The following NAP1L4 variants were observed in gnomAD, a reference collection of about 807,000 sequenced individuals.
The protein encoded by NAP1L4 is nucleosome assembly protein 1 like 4, also known as nucleosome assembly protein 1-like 4.
Under a neutral mutation model 58.2 loss-of-function variants are expected in NAP1L4, and 15 were observed. The ratio of observed to expected loss-of-function variants is 0.26; its 90% confidence interval spans 0.17 to 0.40. The LOEUF (loss-of-function observed/expected upper bound fraction) is 0.40, where lower values mean the gene tolerates loss of function less well. Ranked by LOEUF, NAP1L4 falls within the 10% of genes least tolerant of loss-of-function variation. NAP1L4 has a pLI of 1.00. For missense variants in NAP1L4, 384 were observed against 451.1 expected (o/e 0.85, Z 1.35); for synonymous variants, 171 against 155.6 (o/e 1.10, Z -0.74).
chr11:2,981,290 G>A (rs1848289010), intron 1 of NAP1L4, among the ~76,000 whole-genome samples: 1 of 151,108 alleles, frequency 6.6e-6, no homozygotes, highest in African/African-American at 2.4e-5. Flanking sequence ...GATACCTCTG[G>A]TCGCAGCTAC....
intron 8 of NAP1L4, among the ~76,000 whole-genome samples, chr11:2,964,098 G>A (rs888165336): frequency 6.6e-6 from 1 of 151,982 alleles, no homozygotes; most frequent in African/African-American, 2.4e-5. Context: ...TCAAAGAGCA[G>A]GAAAACATTT....
intron 7 of NAP1L4, among the ~76,000 whole-genome samples, chr11:2,969,377 C>CACAT (rs1291322450): frequency 2.0e-5 from 3 of 152,100 alleles, no homozygotes; most frequent in African/African-American, 7.2e-5. Context: ...CACACACACA[C>CACAT]ACAAACAAAC....
chr11:2,974,004 G>A (rs1196956932), intron 4 of NAP1L4, among the ~76,000 whole-genome samples: 1 of 152,230 alleles, frequency 6.6e-6, no homozygotes, highest in Admixed American at 6.5e-5. Context: ...CTGAGCTCAA[G>A]CAATCTGCCT....
intron 1 of NAP1L4, among the ~76,000 whole-genome samples, chr11:2,985,435 G>A (rs1402524087): frequency 2.0e-5 from 3 of 152,170 alleles, no homozygotes; most frequent in Admixed American, 6.5e-5. Flanking sequence ...TTTAATACTA[G>A]TCTTATAAAA....
intron 12 of NAP1L4, chr11:2,952,416 T>C (rs1372747521): frequency 1.3e-5 from 2 of 152,776 alleles, no homozygotes; most frequent in South Asian, 2.1e-4. Context: ...GTTTCAAACA[T>C]GAGACTTACA....
In NAP1L4 at chr11:2,951,014, A is replaced by C. The variant is rs1175638346; in HGVS notation, c.1122+245T>G. 2.3e-6 allele frequency: 1 copy of C among 438,664 alleles called. No individual in the cohort carries two copies. The highest frequency in any genetic ancestry group is 2.0e-5 in the African/African-American group (1 of 49,030). The allele number at this position is 438,664 out of a possible 1,614,324, so 27.2% of individuals were successfully genotyped here. A position where few individuals can be genotyped will look rare whatever the true frequency, so the allele number is the denominator to read the frequency against. On this transcript the variant is annotated intron_variant, in intron 14 of 15. Transcript: ENST00000380542. The surrounding 1 kb of genome is among the most constrained non-coding windows in gnomAD (Gnocchi z 4.0). ...GGAAAGTCAAGTTGCTCTACTGAGG[A>C]GTCTATGTAAATAAGACACAGCTTG... is the stretch of plus-strand genomic sequence containing the variant.
At position 2,951,457 on chromosome 11, in the gene NAP1L4, G is replaced by C; in HGVS notation, c.1066-142C>G. The C allele has an allele frequency of 1.3e-6, 1 of 743,010 alleles. No individual in the cohort carries two copies. Among genetic ancestry groups the C allele is most frequent in the South Asian group, 1.7e-5 (1 of 59,494 alleles). 46.0% of individuals were successfully genotyped at this position (743,010 alleles called of 1,614,324 possible). On this transcript the variant is annotated intron_variant, in intron 13 of 15. Transcript: ENST00000380542. The surrounding 1 kb of genome is among the most constrained non-coding windows in gnomAD (Gnocchi z 4.0). ...CCACAAGTGACTCATCACTTCCTTT[G>C]GACACTTAGAATTATTTCTAGGTAT...
intron 10 of NAP1L4, among the ~76,000 whole-genome samples, chr11:2,956,274 G>C (rs1202257975): frequency 1.3e-5 from 2 of 152,148 alleles, no homozygotes; most frequent in African/African-American, 4.8e-5. Context: ...ATGCCCACCA[G>C]GGGCCCCTGT....
chr11:2,982,596 AG>A (rs1278814244), intron 1 of NAP1L4, among the ~76,000 whole-genome samples: 5 of 152,368 alleles, frequency 3.3e-5, no homozygotes, highest in African/African-American at 1.2e-4. Flanking sequence ...AGGCTTGGAA[AG>A]GTGAGGTGCC....
At chr11:2,982,460 CACAT>C (rs1848379338) in intron 1 of NAP1L4, among the ~76,000 whole-genome samples, 1 of 152,208 alleles carries the variant, frequency 6.6e-6, no homozygotes, top group Non-Finnish European at 1.5e-5. Flanking sequence ...CTCGTAAAGA[CACAT>C]ACTTCATTTC....
In NAP1L4 at chr11:2,954,199, T is replaced by G; in HGVS notation, c.1035+328A>C. The G allele has an allele frequency of 2.7e-6, 1 of 366,016 alleles. No homozygotes were observed. Among genetic ancestry groups the G allele is most frequent in the Non-Finnish European group, 5.1e-6 (1 of 197,130 alleles). 22.7% of individuals were successfully genotyped at this position (366,016 alleles called of 1,614,324 possible). On this transcript the variant is annotated intron_variant, in intron 12 of 15. Transcript: ENST00000380542. The surrounding 1 kb of genome is among the most constrained non-coding windows in gnomAD (Gnocchi z 4.8). ...AATGTTTGTTGTGGCCAGACCTCCA[T>G]AAAAGAGATATTCCCTGTGTTCACA... is the stretch of plus-strand genomic sequence containing the variant.
At chr11:2,974,623 C>T (rs1203512215) in intron 4 of NAP1L4, among the ~76,000 whole-genome samples, 1 of 152,186 alleles carries the variant, frequency 6.6e-6, no homozygotes, top group Non-Finnish European at 1.5e-5. Context: ...AGGCCAGGCG[C>T]AGTGGCTCAT....
In NAP1L4 at chr11:2,954,596, A is replaced by C. The variant is rs766348464; in HGVS notation, c.966T>G (p.Phe322Leu). Residue 322 changes from phenylalanine (F) to leucine (L), a missense_variant, in exon 12 of 16, where the codon TTT (phenylalanine) becomes TTG (leucine). By Grantham distance (22) the Phe-to-Leu change is conservative (BLOSUM62 0). This residue lies in a region of NAP1L4 where 296 missense variants were observed against 360.8 expected (regional missense o/e 0.82). Transcript: ENST00000380542. The surrounding 1 kb of genome is among the most constrained non-coding windows in gnomAD (Gnocchi z 4.8). ...TLASDFEIGH[F>L]FRERIVPRAV... ...CCCGCGGGACTATCCGCTCACGGAA[A>C]AAGTGTCCAATTTCAAAATCAGAGG... The C allele has an allele frequency of 1.2e-6, 2 of 1,614,222 alleles. No individual in the cohort carries two copies. Among genetic ancestry groups the C allele is most frequent in the South Asian group, 2.2e-5 (2 of 91,088 alleles).
chr11:2,990,258 TAAA>T (rs1848881018), intron 1 of NAP1L4: 1 of 152,216 alleles, frequency 6.6e-6, no homozygotes, highest in Non-Finnish European at 1.5e-5. Context: ...AGTAACGTGT[TAAA>T]ATGGTTCATA....
rs1845891975 is a variant in NAP1L4 at position 2,945,492 on chromosome 11, A to C, written c.*187T>G. ...GTGAAAGTGAAAATCATGCACTTGA[A>C]AACGAGTTAGATGGAGTAAGCTCTG... On this transcript the variant is annotated 3_prime_UTR_variant, in exon 16 of 16. Coordinates refer to ENST00000380542, the MANE Select transcript of NAP1L4 (RefSeq NM_005969.4). 3.4e-6 allele frequency: 3 copies of C among 878,474 alleles called. No individual in the cohort carries two copies. In the East Asian group the frequency reaches 8.5e-5, roughly 25 times the overall value. 54.4% of individuals were successfully genotyped at this position (878,474 alleles called of 1,614,324 possible). A position where few individuals can be genotyped will look rare whatever the true frequency, so the allele number is the denominator to read the frequency against.
rs750739602 is a variant in NAP1L4, at chr11:2,959,749, G to C, written c.746+21C>G. On this transcript the variant is annotated intron_variant, in intron 9 of 15. Transcript: ENST00000380542. The surrounding 1 kb of genome is among the most constrained non-coding windows in gnomAD (Gnocchi z 4.9). ...TTTTGATTTTGTTTCAGAAAAACAAGGTAGAATGACATTTTCTTACCCGTC... is the reference window on the plus strand; with the variant it reads ...TTTTGATTTTGTTTCAGAAAAACAACGTAGAATGACATTTTCTTACCCGTC... 1 of 1,608,646 alleles carries C rather than the reference G, an allele frequency of 6.2e-7. No homozygotes were observed. The highest frequency in any genetic ancestry group is 8.5e-7 in the Non-Finnish European group (1 of 1,178,140).
intron 1 of NAP1L4, among the ~76,000 whole-genome samples, chr11:2,984,280 C>A (rs897458100): frequency 6.6e-6 from 1 of 151,838 alleles, no homozygotes; most frequent in African/African-American, 2.4e-5. Flanking sequence ...ATTTAAAAAC[C>A]CTTTAACAAA....
At position 2,946,383 on chromosome 11, in the gene NAP1L4, T is replaced by A. The variant is rs1222828352; in HGVS notation, c.*33-737A>T. On this transcript the variant is annotated intron_variant, in intron 15 of 15. Transcript: ENST00000380542. The surrounding 1 kb of genome is among the most constrained non-coding windows in gnomAD (Gnocchi z 4.8). ...AATATTATCTAACACAGAGATCTTG[T>A]ACCCTTTAAACCACATCCAGCAACT... 6.6e-6 allele frequency among the ~76,000 whole-genome samples: 1 copy of A among 152,206 alleles called. No individual in the cohort carries two copies. The highest frequency in any genetic ancestry group is 2.4e-5 in the African/African-American group (1 of 41,448).
intron 4 of NAP1L4, among the ~76,000 whole-genome samples, chr11:2,975,288 G>A (rs953917215): frequency 6.6e-6 from 1 of 152,120 alleles, no homozygotes; most frequent in Non-Finnish European, 1.5e-5. Context: ...CTGCACTCCA[G>A]CCTGAACAAC....
Sources: gnomAD v4.1 joint callset for allele counts (sites outside exome capture counted in the v4.1 genomes callset) on GRCh38, gnomAD v4.1.1 for gene constraint, gnomAD v4.1.1 regional missense constraint, Gnocchi (gnomAD v3.1) non-coding constraint, MANE v1.5 for transcripts, NCBI Gene and HGNC (gene_info 2026-07-23, HGNC 2026-07-21) for gene names.